The following DPP10 variants were observed in gnomAD, a reference collection of about 807,000 sequenced individuals.
DPP10 encodes the protein inactive dipeptidyl peptidase 10.
Under a neutral mutation model 120.9 loss-of-function variants are expected in DPP10, and 33 were observed. The ratio of observed to expected loss-of-function variants is 0.27; its 90% CI spans 0.21 to 0.37. The LOEUF (loss-of-function observed/expected upper bound fraction) is 0.37. Ranked by LOEUF, DPP10 falls within the 10% of genes least tolerant of loss-of-function variation. DPP10 has a pLI of 1.00. For synonymous variants in DPP10, 337 were observed against 326.1 expected, an observed-to-expected ratio of 1.03 and a Z score of -0.36; for missense variants, 816 against 942.8, an observed-to-expected ratio of 0.87 and a Z score of 1.76.
intron 1 of DPP10, among the ~76,000 whole-genome samples, chr2:114,530,712 A>G (rs1685900459): frequency 1.3e-5 from 2 of 152,182 alleles, no homozygotes; most frequent in East Asian, 1.9e-4. Context: ...AGAAGCATCT[A>G]TGGAAGTACT....
chr2:114,824,321 C>T (rs946202820), intron 1 of DPP10, among the ~76,000 whole-genome samples: 26 of 152,122 alleles, frequency 1.7e-4, no homozygotes, highest in African/African-American at 5.6e-4. Context: ...TGATGAATTC[C>T]TAGATAACAC....
intron 1 of DPP10, among the ~76,000 whole-genome samples, chr2:115,114,286 C>T (rs2049384858): frequency 6.6e-6 from 1 of 152,114 alleles, no homozygotes; most frequent in South Asian, 2.1e-4. Flanking sequence ...ACAAACAAAA[C>T]ATTAAATTTG....
intron 1 of DPP10, among the ~76,000 whole-genome samples, chr2:114,709,719 A>G (rs886199158): frequency 2.0e-5 from 3 of 152,218 alleles, no homozygotes; most frequent in Non-Finnish European, 4.4e-5. Flanking sequence ...CAAAAATACA[A>G]ATTTATAATT....
intron 1 of DPP10, among the ~76,000 whole-genome samples, chr2:115,009,725 T>C (rs182801440): frequency 5.5e-4 from 83 of 152,278 alleles, no homozygotes; most frequent in African/African-American, 1.9e-3. Flanking sequence ...TGTATACCTA[T>C]GTAACACACC....
At chr2:114,696,123 A>AC (rs2105791691) in intron 1 of DPP10, among the ~76,000 whole-genome samples, 1 of 152,210 alleles carries the variant, frequency 6.6e-6, no homozygotes, top group East Asian at 1.9e-4. Flanking sequence ...GCCATAAAAT[A>AC]CAAGTGTAAC....
chr2:114,651,586 T>G (rs1003827445), intron 1 of DPP10, among the ~76,000 whole-genome samples: 4 of 152,096 alleles, frequency 2.6e-5, no homozygotes, highest in Non-Finnish European at 5.9e-5. Context: ...AAACCACTAT[T>G]CCGTGACACT....
intron 5 of DPP10, among the ~76,000 whole-genome samples, chr2:115,667,170 C>T (rs1406186631): frequency 2.0e-5 from 3 of 152,002 alleles, no homozygotes; most frequent in African/African-American, 7.2e-5. Flanking sequence ...AGTGTTTGTT[C>T]ATGTCCTTTG....
intron 1 of DPP10, among the ~76,000 whole-genome samples, chr2:114,740,944 TGA>T (rs1491328900): frequency 1.3e-5 from 2 of 152,212 alleles, no homozygotes; most frequent in Non-Finnish European, 2.9e-5. Context: ...TGAAATCTGT[TGA>T]GAGTTCCAAA....
At chr2:114,846,150 A>G (rs1688531188) in intron 1 of DPP10, among the ~76,000 whole-genome samples, 1 of 152,164 alleles carries the variant, frequency 6.6e-6, no homozygotes, top group African/African-American at 2.4e-5. Context: ...CTCCGATTGT[A>G]TATAAATAAA....
At chr2:115,013,271 T>C (rs1020788712) in intron 1 of DPP10, among the ~76,000 whole-genome samples, 5 of 152,228 alleles carry the variant, frequency 3.3e-5, no homozygotes, top group East Asian at 3.9e-4. Flanking sequence ...TTTGGCTAGA[T>C]ATGAAATTCT....
At chr2:114,590,060 C>A (rs1691329643) in intron 1 of DPP10, among the ~76,000 whole-genome samples, 1 of 151,878 alleles carries the variant, frequency 6.6e-6, no homozygotes, top group African/African-American at 2.4e-5. Context: ...GTTTATCAAC[C>A]AGTTTTCTAA....
intron 1 of DPP10, among the ~76,000 whole-genome samples, chr2:115,160,471 G>C (rs2052226890): frequency 6.6e-6 from 1 of 152,158 alleles, no homozygotes. Context: ...CTAATTAATG[G>C]ACTGAGTGGC....
intron 5 of DPP10, chr2:115,526,502 A>C (rs548723084): frequency 6.6e-6 from 1 of 152,418 alleles, no homozygotes; most frequent in African/African-American, 2.4e-5. Flanking sequence ...AAAATGTTCT[A>C]ATTGAAATTA....
chr2:114,801,710 G>A (rs1336505758), intron 1 of DPP10, among the ~76,000 whole-genome samples: 1 of 152,158 alleles, frequency 6.6e-6, no homozygotes, highest in East Asian at 1.9e-4. Context: ...GGGCCCACAA[G>A]GGATGGATGT....
At chr2:114,503,666 T>C (rs997887421) in intron 1 of DPP10, among the ~76,000 whole-genome samples, 1 of 151,978 alleles carries the variant, frequency 6.6e-6, no homozygotes, top group African/African-American at 2.4e-5. Context: ...GGGAAGGGGG[T>C]TGGATGCAGG....
At chr2:114,565,991 A>G (rs982816253) in intron 1 of DPP10, among the ~76,000 whole-genome samples, 3 of 152,232 alleles carry the variant, frequency 2.0e-5, no homozygotes, top group African/African-American at 7.2e-5. Flanking sequence ...AGATAAAAAT[A>G]AAATATCTTT....
At chr2:115,742,809 T>A (rs913059985) in intron 9 of DPP10, among the ~76,000 whole-genome samples, 7 of 152,132 alleles carry the variant, frequency 4.6e-5, no homozygotes, top group Non-Finnish European at 8.8e-5. Flanking sequence ...TAAATTGTGC[T>A]TTAAATTAAA....
Position 114,967,926 on chromosome 2 carries a change from G to A in DPP10, c.61-341313G>A, listed in dbSNP as rs565358489. 1.9e-4 allele frequency among the ~76,000 whole-genome samples: 29 copies of A among 152,158 alleles called. No homozygotes were observed. In the South Asian group the frequency reaches 4.6e-3, roughly 24 times the overall value. On this transcript the variant is annotated intron_variant, in intron 1 of 25. Transcript: ENST00000410059. ...TTAGAAATGCAAATTCTCAGGCCTC[G>A]ACTTAGGCTTATCGAATAAAAATCT... is the stretch of plus-strand genomic sequence containing the variant.
chr2:115,709,431 G>A (rs897110705), intron 7 of DPP10, among the ~76,000 whole-genome samples: 1 of 151,994 alleles, frequency 6.6e-6, no homozygotes, highest in Non-Finnish European at 1.5e-5. Context: ...TATTCTAACT[G>A]TATTTCCTGA....
Sources: allele counts gnomAD v4.1 joint callset (sites outside exome capture counted in the v4.1 genomes callset), GRCh38; gene constraint gnomAD v4.1.1; transcripts MANE v1.5; gene names NCBI Gene and HGNC (gene_info 2026-07-23, HGNC 2026-07-21).